Variants in HMCN2 observed in about 807,000 individuals in gnomAD.
HMCN2 encodes hemicentin-2.
HMCN2 carries 325 observed loss-of-function variants against 377.5 expected under a neutral mutation model. The ratio of observed to expected loss-of-function variants is 0.86; its 90% CI spans 0.79 to 0.94. HMCN2 has a LOEUF of 0.94. Among genes scored for constraint, HMCN2 ranks in the 40% least tolerant of loss-of-function variants. The pLI, the probability that HMCN2 is intolerant of heterozygous loss-of-function variation, is 0.00. For synonymous variants in HMCN2, 2,007 were observed against 2,046.8 expected (o/e 0.98, Z 0.53); for missense variants, 4,543 against 4,725.3 (o/e 0.96, Z 1.13).
chr9:130,433,056 G>A, intron 97 of HMCN2: 1 of 434,652 alleles, frequency 2.3e-6, no homozygotes, highest in African/African-American at 2.1e-5. Context: ...TTGGCCCAGG[G>A]GCACATCGCT....
Position 130,422,401 on chromosome 9 carries a change from C to A in HMCN2, c.13232-176C>A, listed in dbSNP as rs950066272. 6.6e-6 allele frequency among the ~76,000 whole-genome samples: 1 copy of A among 152,206 alleles called. No individual in the cohort carries two copies. The highest frequency in any genetic ancestry group is 1.5e-5 in the Non-Finnish European group (1 of 68,040). On this transcript the variant is annotated intron_variant, in intron 86 of 97. Coordinates refer to ENST00000683500, the MANE Select transcript of HMCN2 (RefSeq NM_001291815.2). The surrounding 1 kb of genome is among the most constrained non-coding windows in gnomAD (Gnocchi z 4.2). ...TAACAGCCTCCCTTCCCTTTTAGAG[C>A]CAAGATCCCCTGGGCGTTGAGTCCA...
intron 86 of HMCN2, among the ~76,000 whole-genome samples, chr9:130,420,219 C>G (rs1414344334): frequency 6.6e-6 from 1 of 151,998 alleles, no homozygotes; most frequent in Non-Finnish European, 1.5e-5. Context: ...GGACTACAGG[C>G]ACCCGCCACC....
In HMCN2 at chr9:130,390,079, C is replaced by T. The variant is rs114292710; in HGVS notation, c.9524-898C>T. 5.8e-3 allele frequency among the ~76,000 whole-genome samples: 888 copies of T among 152,322 alleles called. 8 individuals are homozygous for T. The highest frequency in any genetic ancestry group is 0.02 in the African/African-American group (837 of 41,566). On this transcript the variant is annotated intron_variant, in intron 62 of 97. Coordinates refer to ENST00000683500, the MANE Select transcript of HMCN2 (RefSeq NM_001291815.2). ...TGTGTGGACCTGTGTCATCGCCTCTCGCGGGTCAGGTGGCTGCAGGCCCCA... is the reference window on the plus strand; with the variant it reads ...TGTGTGGACCTGTGTCATCGCCTCTTGCGGGTCAGGTGGCTGCAGGCCCCA...
chr9:130,277,462 T>A (rs1282679438), intron 1 of HMCN2, among the ~76,000 whole-genome samples: 9 of 152,210 alleles, frequency 5.9e-5, no homozygotes, highest in African/African-American at 1.9e-4. Flanking sequence ...GGGGTCAGAC[T>A]GACCTAGACT....
intron 18 of HMCN2, among the ~76,000 whole-genome samples, chr9:130,321,534 C>A (rs1837849579): frequency 6.6e-6 from 1 of 152,056 alleles, no homozygotes; most frequent in East Asian, 1.9e-4. Flanking sequence ...TCACCCTGGT[C>A]CAGTTGGCCG....
chr9:130,396,258 G>A lies in HMCN2; in HGVS notation c.11143G>A (p.Ala3715Thr), dbSNP rs758683153. The A allele has an allele frequency of 2.6e-5, 33 of 1,286,084 alleles. No individual in the cohort carries two copies. The highest frequency in any genetic ancestry group is 5.6e-5 in the East Asian group (1 of 17,914). The allele number at this position is 1,286,084 out of a possible 1,614,324, so 79.7% of individuals were successfully genotyped here. ...LLPCQADGVP[A>T]PLVSWRKDRV... Reference sequence around the variant, plus strand: ...GCCTTGCCAGGCCGACGGCGTGCCCGCACCCCTCGTGAGCTGGCGGAAGGA... The same window carrying A: ...GCCTTGCCAGGCCGACGGCGTGCCCACACCCCTCGTGAGCTGGCGGAAGGA... The change falls in exon 73 of 98, where the codon GCA becomes ACA. Residue 3715 changes from alanine to threonine, a missense_variant. Coordinates refer to ENST00000683500, the MANE Select transcript of HMCN2 (RefSeq NM_001291815.2).
rs1265754773 is a variant in HMCN2, at chr9:130,360,030, G to T, written c.5774-398G>T. Reference sequence around the variant, plus strand: ...GGTCCATGTTCTCTAATGCCCCCTAGGGGACGGGGTCTTCTGGTAGGGGGA... The same window carrying T: ...GGTCCATGTTCTCTAATGCCCCCTATGGGACGGGGTCTTCTGGTAGGGGGA... On this transcript the variant is annotated intron_variant, in intron 37 of 97. Transcript: ENST00000683500. This position sits in a 1 kb window ranked among gnomAD's most constrained non-coding sequence, Gnocchi z 4.7. Among the ~76,000 whole-genome samples, 1 of 152,108 alleles carries T rather than the reference G, an allele frequency of 6.6e-6. No homozygotes were observed. The highest frequency in any genetic ancestry group is 2.4e-5 in the African/African-American group (1 of 41,418).
rs1003907937 is a variant in HMCN2, at chr9:130,434,042, G to T, written c.*349G>T. 17 of 245,500 alleles carry T rather than the reference G, an allele frequency of 6.9e-5. No homozygotes were observed. In the Admixed American group the frequency reaches 9.5e-4, roughly 14 times the overall value. The allele number at this position is 245,500 out of a possible 1,614,324, so 15.2% of individuals were successfully genotyped here. On this transcript the variant is annotated 3_prime_UTR_variant, in exon 98 of 98. Transcript: ENST00000683500. Reference sequence around the variant, plus strand: ...AGAGGGGGCAGACCCCGCGTTAGGGGTGGCAGCAGCTGTCGCCCGGCCACA... The same window carrying T: ...AGAGGGGGCAGACCCCGCGTTAGGGTTGGCAGCAGCTGTCGCCCGGCCACA...
Position 130,309,954 on chromosome 9 carries a change from G to C in HMCN2, c.2243G>C (p.Gly748Ala), listed in dbSNP as rs1296184795. 5.7e-6 allele frequency: 3 copies of C among 527,250 alleles called. No homozygotes were observed. The African/African-American group carries it at 5.8e-5, about 10-fold the overall frequency. 32.7% of individuals were successfully genotyped at this position (527,250 alleles called of 1,614,324 possible). The change falls in exon 15 of 98, where the codon GGG becomes GCG. Residue 748 changes from glycine to alanine, a missense_variant. Coordinates refer to ENST00000683500, the MANE Select transcript of HMCN2 (RefSeq NM_001291815.2). ...CTGGCCCCTGAGGGCTCCAGCTCTG[G>C]GAAGCTGCGGATCCCGGCGGCTCAG... ...MILAPEGSSS[G>A]KLRIPAAQER...
intron 1 of HMCN2, among the ~76,000 whole-genome samples, chr9:130,281,696 C>A (rs1554925807): frequency 2.0e-5 from 3 of 151,788 alleles, no homozygotes; most frequent in African/African-American, 4.8e-5. Flanking sequence ...GAGTTTGAGA[C>A]CGGCCTGGCC....
intron 1 of HMCN2, among the ~76,000 whole-genome samples, chr9:130,284,337 G>C (rs1385438240): frequency 6.6e-6 from 1 of 152,114 alleles, no homozygotes; most frequent in Non-Finnish European, 1.5e-5. Context: ...CTGTCCGGAG[G>C]GAGGAGCTGG....
At chr9:130,409,077 C>T (rs1843270726) in intron 84 of HMCN2, 144 bp downstream of exon 84, 2 of 450,996 alleles carry the variant, frequency 4.4e-6, no homozygotes, top group Non-Finnish European at 3.7e-6. Context: ...GATATCCTCC[C>T]ACTACCACCA....
chr9:130,421,356 C>T lies in HMCN2; in HGVS notation c.13232-1221C>T, dbSNP rs574186608. Among the ~76,000 whole-genome samples the T allele has an allele frequency of 8.5e-5, 13 of 152,322 alleles. No homozygotes were observed. The East Asian group carries it at 1.2e-3, about 14-fold the overall frequency. On this transcript the variant is annotated intron_variant, in intron 86 of 97. Coordinates refer to ENST00000683500, the MANE Select transcript of HMCN2 (RefSeq NM_001291815.2). The stretch of plus-strand genomic sequence containing the variant: ...CCTGAAGATTTCTGTGGGACGATTT[C>T]CTTAAGGGGCATGGGTGGGTGAAGG...
intron 7 of HMCN2, among the ~76,000 whole-genome samples, chr9:130,297,733 C>A (rs1836247840): frequency 1.3e-5 from 2 of 152,210 alleles, no homozygotes; most frequent in African/African-American, 4.8e-5. Flanking sequence ...GGAGTCACAT[C>A]TTGAAAGTGA....
At chr9:130,286,339 G>A (rs1554927743) in intron 4 of HMCN2, 29 bp downstream of exon 4, 1 of 469,820 alleles carries the variant, frequency 2.1e-6, no homozygotes, top group East Asian at 7.0e-5. Flanking sequence ...CACCATCCCG[G>A]AGCCCATCAC....
chr9:130,417,913 A>C (rs1843782889), intron 85 of HMCN2, among the ~76,000 whole-genome samples: 1 of 152,206 alleles, frequency 6.6e-6, no homozygotes, highest in African/African-American at 2.4e-5. Flanking sequence ...CAGCCTCACC[A>C]GCACTGGGCC....
At chr9:130,310,351 G>T (rs2131365294) in intron 15 of HMCN2, among the ~76,000 whole-genome samples, 1 of 152,364 alleles carries the variant, frequency 6.6e-6, no homozygotes, top group Middle Eastern at 3.4e-3. Context: ...CTGGCTCAGG[G>T]TCCATCCTGA....
In HMCN2 at chr9:130,388,413, C is replaced by T. The variant is rs1381759881; in HGVS notation, c.9396C>T (p.Pro3132=). 1 of 987,956 alleles carries T rather than the reference C, an allele frequency of 1.0e-6. No homozygotes were observed. The highest frequency in any genetic ancestry group is 4.7e-5 in the South Asian group (1 of 21,370). 61.2% of individuals were successfully genotyped at this position (987,956 alleles called of 1,614,324 possible). A position where few individuals can be genotyped will look rare whatever the true frequency, so the allele number is the denominator to read the frequency against. ...VRTFTLTVQV[P]PTFENPKTET... is the part of the protein sequence containing the mutation. ...AGTCTGGCTTTCTTCCTGCAGTGCC[C>T]CCAACATTTGAGAACCCCAAGACAG... is the stretch of plus-strand genomic sequence containing the variant. The change falls in exon 62 of 98, where the codon CCC becomes CCT. Residue 3132 remains proline (P), a synonymous_variant. Transcript: ENST00000683500.
chr9:130,425,645 T>TCCCCC, intron 89 of HMCN2, 42 bp from the exon 90 acceptor site: 6 of 683,080 alleles, frequency 8.8e-6, no homozygotes, highest in Non-Finnish European at 7.3e-6. Flanking sequence ...TTTCTCCCTC[T>TCCCCC]CCCCCACCCC....
Sources: gnomAD v4.1 joint callset for allele counts (sites outside exome capture counted in the v4.1 genomes callset) on GRCh38, gnomAD v4.1.1 for gene constraint, Gnocchi (gnomAD v3.1) non-coding constraint, MANE v1.5 for transcripts, NCBI Gene and HGNC (gene_info 2026-07-23, HGNC 2026-07-21) for gene names.